CSMD1: variants seen among roughly 807,000 people sequenced by gnomAD.
CSMD1 encodes CUB and Sushi multiple domains 1.
CSMD1 carries 213 observed loss-of-function variants against 417.5 expected under a neutral mutation model. That is an observed-to-expected ratio of 0.51 (90% CI 0.46 to 0.57). The LOEUF (loss-of-function observed/expected upper bound fraction) is 0.57, where lower values mean the gene tolerates loss of function less well. CSMD1 is among the 20% of genes least tolerant of loss of function. CSMD1 has a pLI of 0.00. For missense variants in CSMD1, 6,923 were observed against 4,529.7 expected (o/e 1.53, Z -15.17); for synonymous variants, 2,862 against 1,736.8 (o/e 1.65, Z -16.11).
At chr8:4,191,461 C>G (rs1215720467) in intron 3 of CSMD1, among the ~76,000 whole-genome samples, 1 of 151,986 alleles carries the variant, frequency 6.6e-6, no homozygotes, top group Non-Finnish European at 1.5e-5. Flanking sequence ...AAAAATTGAA[C>G]AAGATAGAAC....
At position 4,994,390 on chromosome 8, in the gene CSMD1, C is replaced by A. The variant is rs768467087; in HGVS notation, c.27G>T (p.Ser9=). The A allele has an allele frequency of 4.3e-6, 7 of 1,612,198 alleles. No individual in the cohort carries two copies. Among genetic ancestry groups the A allele is most frequent in the Non-Finnish European group, 5.1e-6 (6 of 1,179,838 alleles). MTAWRRFQ[S]LLLLLGLLVL... is the part of the protein sequence containing the mutation. Reference sequence around the variant, plus strand: ...CCAGCAGCCCGAGAAGCAGGAGCAGCGACTGGAATCTCCTCCACGCAGTCA... The same window carrying A: ...CCAGCAGCCCGAGAAGCAGGAGCAGAGACTGGAATCTCCTCCACGCAGTCA... The change falls in exon 1 of 70, where the codon TCG becomes TCT. Residue 9 remains serine (S), a synonymous_variant. Transcript: ENST00000635120.
chr8:4,217,770 C>A (rs1344150900), intron 3 of CSMD1, among the ~76,000 whole-genome samples: 2 of 152,120 alleles, frequency 1.3e-5, no homozygotes, highest in Admixed American at 1.3e-4. Flanking sequence ...ACATTTAGGG[C>A]AGGATTGTTG....
At chr8:4,442,724 A>T (rs185424254) in intron 2 of CSMD1, among the ~76,000 whole-genome samples, 1 of 152,288 alleles carries the variant, frequency 6.6e-6, no homozygotes, top group Non-Finnish European at 1.5e-5. Context: ...ATTTGTTGAT[A>T]ATACAATCAG....
chr8:4,030,908 C>A (rs1797309910), intron 4 of CSMD1, among the ~76,000 whole-genome samples: 1 of 152,194 alleles, frequency 6.6e-6, no homozygotes, highest in African/African-American at 2.4e-5. Context: ...TTCCACAACT[C>A]TCTAGGGCAG....
intron 39 of CSMD1, among the ~76,000 whole-genome samples, chr8:3,152,059 G>C (rs144694998): frequency 6.6e-6 from 1 of 152,186 alleles, no homozygotes; most frequent in Non-Finnish European, 1.5e-5. Context: ...TTCCAGCTGC[G>C]TCTGGTTCCA....
At chr8:4,448,877 C>G (rs1322286790) in intron 2 of CSMD1, among the ~76,000 whole-genome samples, 1 of 152,176 alleles carries the variant, frequency 6.6e-6, no homozygotes, top group Non-Finnish European at 1.5e-5. Context: ...TTCTCTTATT[C>G]ACCAAGTAAA....
intron 6 of CSMD1, among the ~76,000 whole-genome samples, chr8:3,716,162 C>T (rs977692761): frequency 6.6e-6 from 1 of 152,164 alleles, no homozygotes; most frequent in African/African-American, 2.4e-5. Flanking sequence ...CTGGCCGCTC[C>T]TTGTTCACAG....
chr8:3,436,948 A>G (rs1190250583), intron 12 of CSMD1, among the ~76,000 whole-genome samples: 1 of 151,746 alleles, frequency 6.6e-6, no homozygotes, highest in African/African-American at 2.4e-5. Flanking sequence ...GTGTGAAGCT[A>G]AAAAAAAGAG....
At chr8:4,452,204 T>C (rs1799187349) in intron 2 of CSMD1, among the ~76,000 whole-genome samples, 1 of 152,180 alleles carries the variant, frequency 6.6e-6, no homozygotes, top group Non-Finnish European at 1.5e-5. Context: ...TTCTGCTTTT[T>C]ATCAGTTTGA....
At chr8:4,747,759 T>A (rs1484709440) in intron 1 of CSMD1, among the ~76,000 whole-genome samples, 1 of 152,180 alleles carries the variant, frequency 6.6e-6, no homozygotes, top group Non-Finnish European at 1.5e-5. Context: ...GCACATCGAA[T>A]ACTGTGTAAA....
intron 10 of CSMD1, among the ~76,000 whole-genome samples, chr8:3,507,319 A>G (rs1409689161): frequency 6.6e-6 from 1 of 152,184 alleles, no homozygotes. Context: ...CCATGTCCCT[A>G]AAAAGGACAT....
Position 3,043,421 on chromosome 8 carries a change from C to T in CSMD1, c.7660+9041G>A, listed in dbSNP as rs577922274. Among the ~76,000 whole-genome samples, 7 of 152,070 alleles carry T rather than the reference C, an allele frequency of 4.6e-5. No homozygotes were observed. The East Asian group carries it at 1.4e-3, about 29-fold the overall frequency. On this transcript the variant is annotated intron_variant, in intron 50 of 69. Coordinates refer to ENST00000635120, the MANE Select transcript of CSMD1 (RefSeq NM_033225.6). ...TATGACCTATAAATACTAGATATGACTAGATGGAACTGGTGATATAAACCT... is the reference window on the plus strand; with the variant it reads ...TATGACCTATAAATACTAGATATGATTAGATGGAACTGGTGATATAAACCT...
chr8:3,205,585 C>A lies in CSMD1; in HGVS notation c.4903G>T (p.Val1635Leu). The change falls in exon 31 of 70, where the codon GTA (valine) becomes TTA (leucine). Residue 1635 changes from valine (V) to leucine (L), a missense_variant. Transcript: ENST00000635120. Reference protein sequence around the residue: ...CGGQYTGSEGVVLSPNYPHNY... With the variant: ...CGGQYTGSEGLVLSPNYPHNY... ...TGGGGGTAGTTTGGTGATAAAACTA[C>A]CCCTTCTGATCCCGTGTACTGGCCT... 2.5e-6 allele frequency: 4 copies of A among 1,593,294 alleles called. No individual in the cohort carries two copies. Among genetic ancestry groups the A allele is most frequent in the Non-Finnish European group, 3.4e-6 (4 of 1,167,522 alleles).
chr8:4,935,763 T>C (rs1414282169), intron 1 of CSMD1, among the ~76,000 whole-genome samples: 2 of 152,114 alleles, frequency 1.3e-5, no homozygotes, highest in Non-Finnish European at 2.9e-5. Context: ...AGTTCTTCTG[T>C]GATTAGAAAG....
In CSMD1 at chr8:3,586,154, G is replaced by A. The variant is rs896051989; in HGVS notation, c.1204C>T (p.His402Tyr). 4 of 1,612,634 alleles carry A rather than the reference G, an allele frequency of 2.5e-6. No homozygotes were observed. Among genetic ancestry groups the A allele is most frequent in the Non-Finnish European group, 3.4e-6 (4 of 1,179,334 alleles). Residue 402 changes from histidine to tyrosine, a missense_variant, in exon 9 of 70, where the codon CAC (histidine) becomes TAC (tyrosine). Transcript: ENST00000635120. ...GCCTTACCTCGGCAGATGGGCCTGT[G>A]GTCACTCCAAGCAGCGAGCGTCTCT... ...VTETLAAWSDHRPICRARTCG... is the reference protein window; with the variant it reads ...VTETLAAWSDYRPICRARTCG...
chr8:4,067,050 T>G (rs540314319), intron 3 of CSMD1, among the ~76,000 whole-genome samples: 1 of 152,258 alleles, frequency 6.6e-6, no homozygotes, highest in African/African-American at 2.4e-5. Flanking sequence ...AATCAAGTGT[T>G]GCCACATGGC....
At chr8:3,800,330 A>G (rs908896340) in intron 5 of CSMD1, among the ~76,000 whole-genome samples, 2 of 152,152 alleles carry the variant, frequency 1.3e-5, no homozygotes, top group African/African-American at 2.4e-5. Context: ...TAATTTTATA[A>G]TATGTCAAAA....
intron 23 of CSMD1, among the ~76,000 whole-genome samples, chr8:3,321,319 C>T (rs1170668196): frequency 3.3e-5 from 5 of 152,146 alleles, no homozygotes; most frequent in African/African-American, 1.2e-4. Context: ...CCCTCTGCAC[C>T]AGGGCTCATG....
At chr8:3,178,798 G>A (rs1288099898) in intron 37 of CSMD1, among the ~76,000 whole-genome samples, 2 of 151,980 alleles carry the variant, frequency 1.3e-5, no homozygotes, top group African/African-American at 4.8e-5. Flanking sequence ...TTGTAGATTG[G>A]CAGTCCATAT....
Sources: allele counts gnomAD v4.1 joint callset (sites outside exome capture counted in the v4.1 genomes callset), GRCh38; gene constraint gnomAD v4.1.1; transcripts MANE v1.5; gene names NCBI Gene and HGNC (gene_info 2026-07-23, HGNC 2026-07-21).